The following KLF13 variants were observed in gnomAD, a reference collection of about 807,000 sequenced individuals.
The protein encoded by KLF13 is Krueppel-like factor 13.
A neutral mutation model predicts 16.7 loss-of-function variants in KLF13; 8 were observed. The observed-to-expected ratio is 0.48, with a 90% CI of 0.28 to 0.87. The LOEUF is 0.87. KLF13 is among the 40% of genes least tolerant of loss of function. KLF13 has a pLI of 0.10. For missense variants in KLF13, 447 were observed against 452.2 expected (o/e 0.99, Z 0.10); for synonymous variants, 245 against 208.4 (o/e 1.18, Z -1.51).
chr15:31,341,029 G>A (rs973762191), intron 1 of KLF13, among the ~76,000 whole-genome samples: 7 of 152,146 alleles, frequency 4.6e-5, no homozygotes, highest in Non-Finnish European at 1.0e-4. Context: ...CTGGAGCCCC[G>A]AGACATTGCT....
At chr15:31,328,698 G>A (rs1312347754) in intron 1 of KLF13, among the ~76,000 whole-genome samples, 1 of 152,216 alleles carries the variant, frequency 6.6e-6, no homozygotes, top group Non-Finnish European at 1.5e-5. Flanking sequence ...GTTCCCACGC[G>A]CGGCCCGATA....
intron 1 of KLF13, among the ~76,000 whole-genome samples, chr15:31,358,460 A>G (rs992841427): frequency 9.9e-5 from 15 of 152,230 alleles, no homozygotes; most frequent in African/African-American, 3.6e-4. Context: ...ATAAATATGT[A>G]TAGTGATATC....
chr15:31,401,648 ACT>A (rs549373118), intron 2 of KLF13, among the ~76,000 whole-genome samples: 160 of 152,148 alleles, frequency 1.1e-3, no homozygotes, highest in African/African-American at 3.8e-3. Context: ...TCTTAATAAC[ACT>A]CAGCGGGAAA....
intron 1 of KLF13, among the ~76,000 whole-genome samples, chr15:31,414,499 T>C (rs2040233147): frequency 6.6e-6 from 1 of 152,104 alleles, no homozygotes; most frequent in Admixed American, 6.5e-5. Context: ...AATTCAAAGA[T>C]ACAAATAGAT....
At chr15:31,425,418 G>A (rs1197723505) in intron 1 of KLF13, among the ~76,000 whole-genome samples, 1 of 152,130 alleles carries the variant, frequency 6.6e-6, no homozygotes, top group Non-Finnish European at 1.5e-5. Context: ...TATGATACTG[G>A]CATAAAGACC....
At chr15:31,380,914 C>T (rs1191076321), downstream of KLF13, among the ~76,000 whole-genome samples, 1 of 152,206 alleles carries the variant, frequency 6.6e-6, no homozygotes, top group Non-Finnish European at 1.5e-5. Flanking sequence ...TGGCTTATGC[C>T]TGTAATCCCA....
intron 1 of KLF13, chr15:31,366,058 G>C (rs1371561207): frequency 6.6e-6 from 1 of 152,160 alleles, no homozygotes; most frequent in Non-Finnish European, 1.5e-5. Flanking sequence ...TTTATGTAAC[G>C]CGCAGCCCTG....
rs2039515170 is a variant in KLF13, at chr15:31,368,848, G to GA, written c.578-3162_578-3161insA. On this transcript the variant is annotated intron_variant, in intron 1 of 1. Transcript: ENST00000307145. The stretch of plus-strand genomic sequence containing the variant: ...GATAGATAGATAGATAGATAGATAG[G>GA]TAGATAGATAGATACCCATAACACA... Among the ~76,000 whole-genome samples, 21 of 150,068 alleles carry GA rather than the reference G, an allele frequency of 1.4e-4. 2 individuals carry two copies. The highest frequency in any genetic ancestry group is 9.3e-4 in the Admixed American group (14 of 15,054).
intron 2 of KLF13, among the ~76,000 whole-genome samples, chr15:31,396,602 A>G (rs1441097613): frequency 6.6e-6 from 1 of 152,202 alleles, no homozygotes; most frequent in African/African-American, 2.4e-5. Context: ...CAGATGAGCC[A>G]GTTTATTGAC....
Position 31,371,998 on chromosome 15 carries a change from C to A in KLF13, c.578-12C>A. 6.3e-7 allele frequency: 1 copy of A among 1,593,388 alleles called. No individual in the cohort carries two copies. The highest frequency in any genetic ancestry group is 8.5e-7 in the Non-Finnish European group (1 of 1,170,416). ...AGGTGCGGATACTGATGCTCTGCCCCTGTGCCCACAGGTGAGAGGCCCTTC... is the reference window on the plus strand; with the variant it reads ...AGGTGCGGATACTGATGCTCTGCCCATGTGCCCACAGGTGAGAGGCCCTTC... On this transcript the variant is annotated splice_polypyrimidine_tract_variant and intron_variant, in intron 1 of 1. Transcript: ENST00000307145.
intron 2 of KLF13, among the ~76,000 whole-genome samples, chr15:31,402,243 T>C (rs993067025): frequency 4.6e-4 from 70 of 152,238 alleles, no homozygotes; most frequent in African/African-American, 1.7e-3. Flanking sequence ...TGGAGAGCCC[T>C]CTGGGAGAAG....
chr15:31,392,129 C>T (rs111229474), upstream of KLF13, among the ~76,000 whole-genome samples: 8 of 152,300 alleles, frequency 5.3e-5, no homozygotes, highest in African/African-American at 1.9e-4. Context: ...CAGGCCCTCG[C>T]GGCCGCCGCA....
chr15:31,358,909 A>T (rs1352934468), intron 1 of KLF13, among the ~76,000 whole-genome samples: 2 of 152,228 alleles, frequency 1.3e-5, no homozygotes, highest in East Asian at 3.8e-4. Context: ...TCCCTTCAAG[A>T]TGGCAGAGGA....
At chr15:31,331,396 T>C (rs2038829513) in intron 1 of KLF13, among the ~76,000 whole-genome samples, 1 of 152,238 alleles carries the variant, frequency 6.6e-6, no homozygotes, top group African/African-American at 2.4e-5. Context: ...AATTTATCTT[T>C]ACCCACTGAA....
rs148578535 is a variant in KLF13 at position 31,357,706 on chromosome 15, G to T, written c.578-14304G>T. 1.1e-3 allele frequency among the ~76,000 whole-genome samples: 173 copies of T among 152,232 alleles called. 1 individual carries two copies. The highest frequency in any genetic ancestry group is 4.1e-3 in the African/African-American group (169 of 41,542). ...GACCCTCCCAGAAAGTCAGCCTCTG[G>T]TTCCTGGCAGGTGCAGGAAGGGCAA... is the stretch of plus-strand genomic sequence containing the variant. On this transcript the variant is annotated intron_variant, in intron 1 of 1. Transcript: ENST00000307145.
chr15:31,346,390 C>T (rs1373283666), intron 1 of KLF13, among the ~76,000 whole-genome samples: 1 of 152,198 alleles, frequency 6.6e-6, no homozygotes, highest in Non-Finnish European at 1.5e-5. Flanking sequence ...CTAACCTGAC[C>T]CTTTGGTAAA....
intron 1 of KLF13, among the ~76,000 whole-genome samples, chr15:31,422,577 G>A (rs111610725): frequency 9.6e-4 from 146 of 152,258 alleles, no homozygotes; most frequent in Middle Eastern, 3.4e-3. Context: ...TCTGGATGGG[G>A]ACACAGAGCC....
At chr15:31,420,057 A>AG in intron 1 of KLF13, 1 of 345,750 alleles carries the variant, frequency 2.9e-6, no homozygotes, top group South Asian at 2.5e-5. Context: ...TGGAAGAAAA[A>AG]AACCTTTTGT....
At chr15:31,329,054 A>G (rs946500699) in intron 1 of KLF13, among the ~76,000 whole-genome samples, 1 of 152,184 alleles carries the variant, frequency 6.6e-6, no homozygotes, top group African/African-American at 2.4e-5. Context: ...GAAAGGGCCC[A>G]AGGTCTGCAG....
Sources: gnomAD v4.1 joint callset for allele counts (sites outside exome capture counted in the v4.1 genomes callset) on GRCh38, gnomAD v4.1.1 for gene constraint, MANE v1.5 for transcripts, NCBI Gene and HGNC (gene_info 2026-07-23, HGNC 2026-07-21) for gene names.